Variants in CYRIB observed in about 807,000 individuals in gnomAD.
The protein encoded by CYRIB is CYFIP related Rac1 interactor B.
In CYRIB, 8 loss-of-function variants were observed where a neutral mutation model predicts 44.2. The observed-to-expected ratio is 0.18, with a 90% CI of 0.11 to 0.33. The LOEUF is 0.33. Among genes scored for constraint, CYRIB ranks in the 10% least tolerant of loss-of-function variants. The pLI, the probability that CYRIB is intolerant of heterozygous loss-of-function variation, is 1.00. For missense variants in CYRIB, 185 were observed against 382.8 expected, an observed-to-expected ratio of 0.48 and a Z score of 4.31; for synonymous variants, 131 against 127.2, an observed-to-expected ratio of 1.03 and a Z score of -0.20.
rs1270808063 is a variant in CYRIB at position 129,849,435 on chromosome 8, C to G, written c.714-66G>C. On this transcript the variant is annotated intron_variant, in intron 9 of 11. Transcript: ENST00000519824. The stretch of plus-strand genomic sequence containing the variant: ...AAAATTCTTTTTAAAAACACACACA[C>G]ACAAGAAAAACCTCTTCTGAAATAT... The G allele has an allele frequency of 2.0e-6, 3 of 1,485,262 alleles. No individual in the cohort carries two copies. The African/African-American group carries it at 4.2e-5, about 21-fold the overall frequency. 92.0% of individuals were successfully genotyped at this position (1,485,262 alleles called of 1,614,324 possible).
chr8:129,915,644 G>C (rs1466238413), intron 1 of CYRIB, among the ~76,000 whole-genome samples: 4 of 152,092 alleles, frequency 2.6e-5, no homozygotes, highest in Admixed American at 2.0e-4. Flanking sequence ...TGGTTTCATA[G>C]GTGATTAACT....
At chr8:129,962,702 T>C (rs920054087) in intron 2 of CYRIB, among the ~76,000 whole-genome samples, 1 of 152,106 alleles carries the variant, frequency 6.6e-6, no homozygotes, top group East Asian at 1.9e-4. Context: ...AAAGTCTCCA[T>C]CTGTTAAAAC....
chr8:129,868,008 T>C (rs1424216833), intron 4 of CYRIB, among the ~76,000 whole-genome samples: 3 of 152,242 alleles, frequency 2.0e-5, no homozygotes, highest in Non-Finnish European at 4.4e-5. Flanking sequence ...GTGCACTTAC[T>C]AGCAAAGCTG....
intron 5 of CYRIB, among the ~76,000 whole-genome samples, chr8:129,860,626 TCTTA>T (rs1197400141): frequency 1.3e-5 from 2 of 152,164 alleles, no homozygotes; most frequent in African/African-American, 4.8e-5. Context: ...ACAGCAACTG[TCTTA>T]CTTTTTTTTA....
At chr8:129,869,050 TA>T (rs1332527839) in intron 4 of CYRIB, among the ~76,000 whole-genome samples, 13 of 107,788 alleles carry the variant, frequency 1.2e-4, no homozygotes, top group Admixed American at 1.2e-3. Flanking sequence ...CTAAGAGTTC[TA>T]TATTTAAAAA....
chr8:129,893,457 A>G (rs2066359050), intron 2 of CYRIB, among the ~76,000 whole-genome samples: 1 of 152,332 alleles, frequency 6.6e-6, no homozygotes, highest in Non-Finnish European at 1.5e-5. Context: ...AAGTAAATAA[A>G]AGCTTCCCAG....
chr8:129,913,481 T>G (rs1172619296), intron 1 of CYRIB, among the ~76,000 whole-genome samples: 1 of 152,258 alleles, frequency 6.6e-6, no homozygotes, highest in Non-Finnish European at 1.5e-5. Context: ...AGCACATTCT[T>G]CAATGACAAG....
At chr8:130,004,870 G>A (rs113146306) in intron 1 of CYRIB, among the ~76,000 whole-genome samples, 7,952 of 150,166 alleles carry the variant, frequency 0.053, 289 homozygotes, top group Non-Finnish European at 0.077. Flanking sequence ...CGGTTCAAGT[G>A]TTTCTCCTGC....
At chr8:129,897,630 T>C (rs2135426150) in intron 2 of CYRIB, among the ~76,000 whole-genome samples, 2 of 150,686 alleles carry the variant, frequency 1.3e-5, no homozygotes, top group South Asian at 4.2e-4. Context: ...GTAGAGTTTA[T>C]AAGTGATTTT....
chr8:129,859,217 G>A (rs1435621712), intron 5 of CYRIB, among the ~76,000 whole-genome samples: 1 of 152,150 alleles, frequency 6.6e-6, no homozygotes, highest in Non-Finnish European at 1.5e-5. Flanking sequence ...AGAGAGAGAG[G>A]AGAAAGAGCG....
chr8:129,904,895 C>G (rs2074406599), intron 1 of CYRIB, among the ~76,000 whole-genome samples: 1 of 152,180 alleles, frequency 6.6e-6, no homozygotes, highest in African/African-American at 2.4e-5. Flanking sequence ...CTGGCTGAGG[C>G]CACCTTAGGT....
intron 1 of CYRIB, 131 bp downstream of exon 3, chr8:129,904,368 A>G (rs2074100499): frequency 6.6e-6 from 1 of 152,174 alleles, no homozygotes. Flanking sequence ...CCCTTGACCA[A>G]CGAGAGATGG....
In CYRIB at chr8:129,871,279, A is replaced by G. The variant is rs2057093162; in HGVS notation, c.195+96T>C. On this transcript the variant is annotated intron_variant, in intron 4 of 11. Transcript: ENST00000519824. ...GCATCCTTCAAATATAATACTTAATATGAAATATAGAATTCTGAAGTCTAG... is the reference window on the plus strand; with the variant it reads ...GCATCCTTCAAATATAATACTTAATGTGAAATATAGAATTCTGAAGTCTAG... 7 of 1,360,890 alleles carry G rather than the reference A, an allele frequency of 5.1e-6. No individual in the cohort carries two copies. The Admixed American group carries it at 1.3e-4, about 26-fold the overall frequency. 84.3% of individuals were successfully genotyped at this position (1,360,890 alleles called of 1,614,324 possible). A position where few individuals can be genotyped will look rare whatever the true frequency, so the allele number is the denominator to read the frequency against.
At chr8:129,879,586 C>G in intron 2 of CYRIB, 115 bp from the exon 5 acceptor site, 1 of 750,958 alleles carries the variant, frequency 1.3e-6, no homozygotes, top group South Asian at 1.8e-5. Flanking sequence ...TGAATTCATT[C>G]TTCAGGTTAC....
At chr8:129,995,677 T>C (rs553679122) in intron 1 of CYRIB, among the ~76,000 whole-genome samples, 1 of 152,222 alleles carries the variant, frequency 6.6e-6, no homozygotes, top group South Asian at 2.1e-4. Context: ...GATGTGAATT[T>C]GCATTCCAGA....
chr8:130,007,110 T>C (rs1250289042), intron 1 of CYRIB, among the ~76,000 whole-genome samples: 1 of 152,198 alleles, frequency 6.6e-6, no homozygotes, highest in Non-Finnish European at 1.5e-5. Flanking sequence ...GTAATCTACT[T>C]ACAACCACAA....
intron 1 of CYRIB, among the ~76,000 whole-genome samples, chr8:129,998,319 T>C (rs2096829487): frequency 6.6e-6 from 1 of 152,086 alleles, no homozygotes; most frequent in Admixed American, 6.6e-5. Flanking sequence ...GACCCTGTTA[T>C]GAAATATATG....
chr8:129,867,307 T>G (rs1469367942), intron 4 of CYRIB, among the ~76,000 whole-genome samples: 1 of 149,268 alleles, frequency 6.7e-6, no homozygotes, highest in Non-Finnish European at 1.5e-5. Context: ...TTTTTTTTAG[T>G]AGAGATGCGG....
chr8:130,010,374 G>A (rs956405165), intron 1 of CYRIB, among the ~76,000 whole-genome samples: 7 of 152,194 alleles, frequency 4.6e-5, no homozygotes, highest in African/African-American at 1.7e-4. Context: ...GGAGCCAGAG[G>A]CCTAGGTTCC....
Sources: allele counts gnomAD v4.1 joint callset (sites outside exome capture counted in the v4.1 genomes callset), GRCh38; gene constraint gnomAD v4.1.1; transcripts MANE v1.5; gene names NCBI Gene and HGNC (gene_info 2026-07-23, HGNC 2026-07-21).